Variants in FAM227B observed in about 807,000 individuals in gnomAD.
The protein encoded by FAM227B is protein FAM227B.
FAM227B carries 88 observed loss-of-function variants against 73.8 expected under a neutral mutation model. The observed-to-expected ratio is 1.19, with a 90% CI of 1.00 to 1.42. The LOEUF (loss-of-function observed/expected upper bound fraction) is 1.42, where lower values mean the gene tolerates loss of function less well. Among genes scored for constraint, FAM227B ranks in the 40% most tolerant of loss-of-function variants. The pLI is 0.00. For synonymous variants in FAM227B, 210 were observed against 190.5 expected, an observed-to-expected ratio of 1.10 and a Z score of -0.84; for missense variants, 632 against 590.9, an observed-to-expected ratio of 1.07 and a Z score of -0.72.
At chr15:49,598,321 A>T (rs1378856689) in intron 3 of FAM227B, among the ~76,000 whole-genome samples, 1 of 152,162 alleles carries the variant, frequency 6.6e-6, no homozygotes, top group Middle Eastern at 3.4e-3. Context: ...CATGTTGTGC[A>T]AATTTACTGA....
chr15:49,473,080 T>A (rs909303492), intron 11 of FAM227B, among the ~76,000 whole-genome samples: 1 of 152,172 alleles, frequency 6.6e-6, no homozygotes, highest in African/African-American at 2.4e-5. Flanking sequence ...AAAGGCATAC[T>A]GTAATCTTTT....
intron 13 of FAM227B, among the ~76,000 whole-genome samples, chr15:49,339,895 C>G (rs2040408818): frequency 6.6e-6 from 1 of 152,168 alleles, no homozygotes; most frequent in African/African-American, 2.4e-5. Flanking sequence ...GTTCGAACTT[C>G]CTGGAGGCTT....
rs934585882 is a variant in FAM227B, at chr15:49,604,946, A to T, written c.105+6269T>A. On this transcript the variant is annotated intron_variant, in intron 3 of 15. Transcript: ENST00000299338. ...TATAAGCCTCTACTTTTGTTCCTTT[A>T]TTGTTTTCCTGATTTTCTTTGTGTT... 3.3e-5 allele frequency among the ~76,000 whole-genome samples: 5 copies of T among 151,096 alleles called. No homozygotes were observed. In the South Asian group the frequency reaches 1.0e-3, roughly 31 times the overall value.
At chr15:49,348,978 A>T (rs1033036703) in intron 13 of FAM227B, among the ~76,000 whole-genome samples, 2 of 152,186 alleles carry the variant, frequency 1.3e-5, no homozygotes, top group Non-Finnish European at 2.9e-5. Flanking sequence ...CCGTTGAGTC[A>T]TGTTTATAAT....
rs5812484 is a variant in FAM227B at position 49,416,772 on chromosome 15, G to GACACACACAC, written c.1013-45383_1013-45374dup. Among the ~76,000 whole-genome samples, 7 of 149,960 alleles carry GACACACACAC rather than the reference G, an allele frequency of 4.7e-5. No homozygotes were observed. In the East Asian group the frequency reaches 1.2e-3, roughly 26 times the overall value. On this transcript the variant is annotated intron_variant, in intron 11 of 15. Coordinates refer to ENST00000299338, the MANE Select transcript of FAM227B (RefSeq NM_152647.3). ...CATCCACAATTGCCACACACACATA[G>GACACACACAC]ACACACACACACACACACACACACA...
intron 11 of FAM227B, among the ~76,000 whole-genome samples, chr15:49,477,585 G>C (rs1159139678): frequency 1.3e-5 from 2 of 152,104 alleles, no homozygotes; most frequent in African/African-American, 4.8e-5. Context: ...TTTACCTATT[G>C]GATATGTGGG....
chr15:49,528,132 A>T, intron 10 of FAM227B, among the ~76,000 whole-genome samples: 1 of 151,902 alleles, frequency 6.6e-6, no homozygotes, highest in Non-Finnish European at 1.5e-5. Flanking sequence ...CCCAAATAAC[A>T]TAGTGCTGGT....
chr15:49,532,434 A>C (rs995984756), intron 10 of FAM227B, among the ~76,000 whole-genome samples: 2 of 151,958 alleles, frequency 1.3e-5, no homozygotes, highest in Non-Finnish European at 2.9e-5. Flanking sequence ...GCAAACAATC[A>C]TTTAAAAAGA....
At chr15:49,528,330 C>A (rs752530532) in intron 10 of FAM227B, among the ~76,000 whole-genome samples, 2 of 151,646 alleles carry the variant, frequency 1.3e-5, no homozygotes, top group African/African-American at 4.8e-5. Flanking sequence ...TATCTCTCAT[C>A]GTATGCAAAA....
At chr15:49,395,088 T>C (rs1264435564) in intron 11 of FAM227B, among the ~76,000 whole-genome samples, 1 of 152,242 alleles carries the variant, frequency 6.6e-6, no homozygotes, top group Non-Finnish European at 1.5e-5. Flanking sequence ...TATATATTTC[T>C]AGCCAATATT....
intron 11 of FAM227B, among the ~76,000 whole-genome samples, chr15:49,474,436 A>T (rs1030230234): frequency 5.9e-5 from 9 of 152,204 alleles, no homozygotes; most frequent in African/African-American, 2.2e-4. Flanking sequence ...TGTAAATGTA[A>T]TGAACCACCT....
At chr15:49,527,145 AC>A (rs1213770344) in intron 10 of FAM227B, among the ~76,000 whole-genome samples, 1 of 151,996 alleles carries the variant, frequency 6.6e-6, no homozygotes, top group Non-Finnish European at 1.5e-5. Flanking sequence ...CAAAAAAACA[AC>A]CAGCAAACTG....
At chr15:49,328,816 T>G in intron 15 of FAM227B, 141 bp from the exon 16 acceptor site, 1 of 1,415,238 alleles carries the variant, frequency 7.1e-7, no homozygotes, top group Admixed American at 2.9e-5. Flanking sequence ...AGGAAGAAAA[T>G]TCAGACTCAT....
At chr15:49,603,811 A>T (rs2077350384) in intron 3 of FAM227B, among the ~76,000 whole-genome samples, 1 of 152,146 alleles carries the variant, frequency 6.6e-6, no homozygotes, top group Non-Finnish European at 1.5e-5. Context: ...AGCTTTTATT[A>T]TGTTAAAGTA....
At chr15:49,495,268 T>C (rs553520142) in intron 11 of FAM227B, among the ~76,000 whole-genome samples, 3 of 152,272 alleles carry the variant, frequency 2.0e-5, no homozygotes, top group Admixed American at 1.3e-4. Flanking sequence ...TTGGTGAGCA[T>C]GGCATCAAAG....
intron 11 of FAM227B, among the ~76,000 whole-genome samples, chr15:49,462,320 C>A (rs188509067): frequency 6.6e-6 from 1 of 152,134 alleles, no homozygotes; most frequent in African/African-American, 2.4e-5. Context: ...ATGTATTTTG[C>A]AAGATAAATA....
chr15:49,564,484 A>T (rs1370714950), intron 9 of FAM227B, among the ~76,000 whole-genome samples: 1 of 152,282 alleles, frequency 6.6e-6, no homozygotes, highest in East Asian at 1.9e-4. Flanking sequence ...TCCCATAACA[A>T]GGCGTGTTTA....
chr15:49,543,288 T>C (rs1243086612), intron 9 of FAM227B, among the ~76,000 whole-genome samples: 2 of 152,236 alleles, frequency 1.3e-5, no homozygotes, highest in Admixed American at 6.5e-5. Context: ...CATATGTTTG[T>C]TGGCCATTTG....
chr15:49,612,697 A>ACACATATT (rs2078022452), intron 2 of FAM227B, among the ~76,000 whole-genome samples: 2 of 152,198 alleles, frequency 1.3e-5, no homozygotes, highest in African/African-American at 4.8e-5. Flanking sequence ...ATCACTGAAA[A>ACACATATT]GATTGTACTA....
Sources: gnomAD v4.1 joint callset for allele counts (sites outside exome capture counted in the v4.1 genomes callset) on GRCh38, gnomAD v4.1.1 for gene constraint, MANE v1.5 for transcripts, NCBI Gene and HGNC (gene_info 2026-07-23, HGNC 2026-07-21) for gene names.